The following FAM149A variants were observed in gnomAD, a reference collection of about 807,000 sequenced individuals.
FAM149A encodes the protein family with sequence similarity 149 member A.
FAM149A carries 71 observed loss-of-function variants against 78.2 expected under a neutral mutation model. The observed-to-expected ratio is 0.91, with a 90% CI of 0.75 to 1.11. The LOEUF is 1.11. Among genes scored for constraint, FAM149A ranks in the 50% least tolerant of loss-of-function variants. The pLI is 0.00. For missense variants in FAM149A, 1,036 were observed against 971.0 expected (o/e 1.07, Z -0.89); for synonymous variants, 446 against 410.5 (o/e 1.09, Z -1.04).
chr4:186,145,096 G>T (rs1732919577), intron 1 of FAM149A: 1 of 985,470 alleles, frequency 1.0e-6, no homozygotes, highest in South Asian at 4.7e-5. Context: ...CACAGGCCCG[G>T]GGCTGATCGT....
At chr4:186,123,452 A>G (rs1206370787) in intron 1 of FAM149A, 1 of 830,302 alleles carries the variant, frequency 1.2e-6, no homozygotes, top group African/African-American at 1.8e-5. Context: ...GCAGAAATGC[A>G]AGGCCCTTCA....
At chr4:186,158,907 G>C in intron 8 of FAM149A, 1 of 588,604 alleles carries the variant, frequency 1.7e-6, no homozygotes, top group Non-Finnish European at 2.1e-6. Flanking sequence ...ATAAACATCA[G>C]TTTCTATTTA....
intron 1 of FAM149A, among the ~76,000 whole-genome samples, chr4:186,120,450 G>A (rs1436280671): frequency 6.6e-6 from 1 of 151,986 alleles, no homozygotes; most frequent in Admixed American, 6.6e-5. Context: ...ATTTCCACCA[G>A]AACAAAATAA....
At chr4:186,152,305 T>A (rs1733646177) in intron 4 of FAM149A, among the ~76,000 whole-genome samples, 1 of 152,188 alleles carries the variant, frequency 6.6e-6, no homozygotes, top group Admixed American at 6.5e-5. Flanking sequence ...CATATACGAA[T>A]GCAAGAATGG....
intron 2 of FAM149A, 135 bp from the exon 3 acceptor site, chr4:186,149,431 C>T: frequency 9.0e-7 from 1 of 1,110,634 alleles, no homozygotes; most frequent in Non-Finnish European, 1.2e-6. Flanking sequence ...AAAAATATTT[C>T]AAAATTAGTA....
intron 8 of FAM149A, among the ~76,000 whole-genome samples, chr4:186,160,527 A>G (rs1361286707): frequency 6.8e-6 from 1 of 147,988 alleles, no homozygotes; most frequent in African/African-American, 2.5e-5. Context: ...ATACACACAC[A>G]CTACACACCA....
intron 1 of FAM149A, chr4:186,125,830 T>A (rs909857036): frequency 6.1e-5 from 60 of 979,674 alleles, no homozygotes; most frequent in Non-Finnish European, 7.1e-5. Context: ...CAAAAAGAAA[T>A]ACGAGGTAGG....
In FAM149A at chr4:186,175,103, A is replaced by G. The variant is rs1735676649; in HGVS notation, c.*3116A>G. On this transcript the variant is annotated 3_prime_UTR_variant, in exon 14 of 14. Coordinates refer to ENST00000389354, the MANE Select transcript of FAM149A (RefSeq NM_001367768.3). Reference sequence around the variant, plus strand: ...CATAGAAAACTGCTAGATTTTGTGAATTTAATATAAAAGGAAGTATCCATA... The same window carrying G: ...CATAGAAAACTGCTAGATTTTGTGAGTTTAATATAAAAGGAAGTATCCATA... Among the ~76,000 whole-genome samples, 1 of 111,518 alleles carries G rather than the reference A, an allele frequency of 9.0e-6. No individual in the cohort carries two copies. The highest frequency in any genetic ancestry group is 2.3e-4 in the East Asian group (1 of 4,434). The allele number at this position is 111,518 out of a possible 152,430, so 73.2% of individuals were successfully genotyped here.
At chr4:186,167,336 A>G (rs1735130563) in intron 13 of FAM149A, 74 bp downstream of exon 13, 1 of 1,341,004 alleles carries the variant, frequency 7.5e-7, no homozygotes, top group Non-Finnish European at 1.1e-6. Context: ...GAAATGGAAG[A>G]TGATCTACCT....
intron 8 of FAM149A, among the ~76,000 whole-genome samples, chr4:186,159,796 A>AT (rs1347652863): frequency 6.6e-6 from 1 of 151,994 alleles, no homozygotes; most frequent in Non-Finnish European, 1.5e-5. Context: ...GGTGCCAAGG[A>AT]GGTTGTTTCC....
At chr4:186,165,217 C>A in intron 10 of FAM149A, 127 bp from the exon 11 acceptor site, 1 of 964,302 alleles carries the variant, frequency 1.0e-6, no homozygotes, top group Non-Finnish European at 1.6e-6. Context: ...CCACACATAG[C>A]AGAAATCAAA....
At chr4:186,168,942 TGA>T (rs1029736636) in intron 13 of FAM149A, among the ~76,000 whole-genome samples, 5 of 151,834 alleles carry the variant, frequency 3.3e-5, no homozygotes, top group African/African-American at 1.2e-4. Context: ...ACAAGGGATG[TGA>T]GAGAGAGGGA....
In FAM149A at chr4:186,162,875, G is replaced by A; in HGVS notation, c.1606G>A (p.Asp536Asn). The change falls in exon 9 of 14, where the codon GAC (aspartate) becomes AAC (asparagine). Residue 536 changes from aspartate to asparagine, a missense_variant. Physicochemically the swap from Asp to Asn is conservative, Grantham distance 23 (BLOSUM62 1). Around this residue, in one of 3 missense-constraint regions of FAM149A, gnomAD observed 716 missense variants for 711.8 expected, o/e 1.01. Coordinates refer to ENST00000389354, the MANE Select transcript of FAM149A (RefSeq NM_001367768.3). ...TCACTTCTCCAGCAGTTTTTATAGT[G>A]ACATGAATGGTGTCATGACAATTCA... The A allele has an allele frequency of 7.2e-7, 1 of 1,389,086 alleles. No homozygotes were observed. Among genetic ancestry groups the A allele is most frequent in the Non-Finnish European group, 9.9e-7 (1 of 1,011,764 alleles). The allele number at this position is 1,389,086 out of a possible 1,614,324, so 86.0% of individuals were successfully genotyped here. A position where few individuals can be genotyped will look rare whatever the true frequency, so the allele number is the denominator to read the frequency against.
In FAM149A at chr4:186,133,094, C is replaced by G. The variant is rs2099321444; in HGVS notation, c.567-16079C>G. The G allele has an allele frequency of 2.1e-5, 21 of 985,322 alleles. No homozygotes were observed. The Admixed American group carries it at 2.5e-4, about 12-fold the overall frequency. 61.0% of individuals were successfully genotyped at this position (985,322 alleles called of 1,614,324 possible). A position where few individuals can be genotyped will look rare whatever the true frequency, so the allele number is the denominator to read the frequency against. On this transcript the variant is annotated intron_variant, in intron 1 of 13. Transcript: ENST00000389354. ...CTGCCCCCTCCTCCCTAGGCATTCA[C>G]TGGTGGGTAAAGGTTAGACAGGAGT...
At position 186,154,460 on chromosome 4, in the gene FAM149A, T is replaced by TC. The variant is rs112551482; in HGVS notation, c.1059-5dup. The TC allele has an allele frequency of 7.9e-4, 1,263 of 1,597,328 alleles. 7 individuals carry two copies. In the African/African-American group the frequency reaches 0.012, roughly 15 times the overall value. On this transcript the variant is annotated splice_polypyrimidine_tract_variant and splice_region_variant and intron_variant, in intron 5 of 13. Coordinates refer to ENST00000389354, the MANE Select transcript of FAM149A (RefSeq NM_001367768.3). ...AACTCCCATGTAGAATCTGTTTTTT[T>TC]CCCATAGGTTGTGCATTTCTGGCTC...
intron 13 of FAM149A, 59 bp downstream of exon 13, chr4:186,167,321 A>G: frequency 7.0e-7 from 1 of 1,433,228 alleles, no homozygotes; most frequent in South Asian, 1.1e-5. Context: ...CAAGTTTCAG[A>G]CAGTGAAATG....
chr4:186,108,375 G>A (rs949164806), intron 1 of FAM149A, among the ~76,000 whole-genome samples: 4 of 150,510 alleles, frequency 2.7e-5, no homozygotes, highest in Admixed American at 1.3e-4. Context: ...TGACAATAAC[G>A]CATACATTTT....
chr4:186,136,978 C>CTCTT (rs2099323340), intron 1 of FAM149A, among the ~76,000 whole-genome samples: 14 of 110,478 alleles, frequency 1.3e-4, no homozygotes, highest in African/African-American at 4.7e-4. Flanking sequence ...CTCTCTCTTT[C>CTCTT]TCTCTCTCTC....
chr4:186,140,735 A>G (rs377603417), intron 1 of FAM149A, among the ~76,000 whole-genome samples: 2 of 152,236 alleles, frequency 1.3e-5, no homozygotes. Flanking sequence ...ATAGTTATGT[A>G]CTTTTCAATT....
Sources: gnomAD v4.1 joint callset for allele counts (sites outside exome capture counted in the v4.1 genomes callset) on GRCh38, gnomAD v4.1.1 for gene constraint, gnomAD v4.1.1 regional missense constraint, MANE v1.5 for transcripts, NCBI Gene and HGNC (gene_info 2026-07-23, HGNC 2026-07-21) for gene names.